UBE2Q2: variants seen among roughly 807,000 people sequenced by gnomAD.
UBE2Q2 encodes ubiquitin-conjugating enzyme E2 Q2.
Under a neutral mutation model 59.9 loss-of-function variants are expected in UBE2Q2, and 54 were observed. That is an observed-to-expected ratio of 0.90 (90% CI 0.72 to 1.13). The LOEUF (loss-of-function observed/expected upper bound fraction) is 1.13, where lower values mean the gene tolerates loss of function less well. Ranked by LOEUF, UBE2Q2 falls within the 50% of genes most tolerant of loss-of-function variation. UBE2Q2 has a pLI of 0.00. For synonymous variants in UBE2Q2, 165 were observed against 155.2 expected (o/e 1.06, Z -0.47); for missense variants, 433 against 441.9 (o/e 0.98, Z 0.18).
chr15:75,849,668 A>T (rs995688182), intron 1 of UBE2Q2, among the ~76,000 whole-genome samples: 1 of 152,244 alleles, frequency 6.6e-6, no homozygotes, highest in Non-Finnish European at 1.5e-5. Context: ...GTCCACTTAC[A>T]GTAATGTTTA....
At chr15:75,865,596 T>C (rs995948881) in intron 3 of UBE2Q2, among the ~76,000 whole-genome samples, 5 of 152,200 alleles carry the variant, frequency 3.3e-5, no homozygotes, top group African/African-American at 4.8e-5. Context: ...AAAAAAACTT[T>C]TTAAAAAGCA....
intron 1 of UBE2Q2, among the ~76,000 whole-genome samples, chr15:75,852,018 G>A (rs1241855077): frequency 6.6e-6 from 1 of 151,944 alleles, no homozygotes; most frequent in Admixed American, 6.6e-5. Flanking sequence ...GACTACAGGC[G>A]TGCAACCACC....
chr15:75,875,637 A>G (rs768093366), intron 5 of UBE2Q2, among the ~76,000 whole-genome samples: 2 of 152,224 alleles, frequency 1.3e-5, no homozygotes, highest in African/African-American at 4.8e-5. Context: ...TGTGGAATCC[A>G]TGGTGGTCTG....
intron 8 of UBE2Q2, 123 bp from the exon 9 acceptor site, chr15:75,883,243 G>T: frequency 1.1e-6 from 1 of 879,426 alleles, no homozygotes; most frequent in East Asian, 3.0e-5. Flanking sequence ...CTAATTTTAT[G>T]ACTCTTACCC....
intron 4 of UBE2Q2, among the ~76,000 whole-genome samples, chr15:75,871,169 A>G (rs1234657299): frequency 6.6e-6 from 1 of 152,232 alleles, no homozygotes. Context: ...GTGCTTTTAG[A>G]TATGCATGCA....
intron 8 of UBE2Q2, among the ~76,000 whole-genome samples, chr15:75,880,961 T>C (rs1327542706): frequency 1.3e-5 from 2 of 152,204 alleles, no homozygotes; most frequent in South Asian, 4.1e-4. Context: ...TGATTGAACT[T>C]TCTTGAAGTG....
Position 75,890,441 on chromosome 15 carries a change from A to G in UBE2Q2, c.891A>G (p.Val297=), listed in dbSNP as rs1261056108. Residue 297 remains valine, a synonymous_variant, in exon 10 of 13, where the codon GTA becomes GTG. Transcript: ENST00000267938. ...VVLPVLSGGY[V]LGGGALCMEL... is the part of the protein sequence containing the mutation. The stretch of plus-strand genomic sequence containing the variant: ...CTCCTTTTTTCTTTTTAAGGTATGT[A>G]TTGGGTGGAGGAGCATTATGTATGG... 6.2e-7 allele frequency: 1 copy of G among 1,603,934 alleles called. No individual in the cohort carries two copies.
intron 8 of UBE2Q2, among the ~76,000 whole-genome samples, chr15:75,882,164 A>G (rs866553601): frequency 2.6e-5 from 4 of 152,218 alleles, no homozygotes; most frequent in Admixed American, 1.3e-4. Context: ...ATTTAGAGCC[A>G]TTTGGTGATG....
Position 75,890,491 on chromosome 15 carries a change from T to C in UBE2Q2, c.933+8T>C. 1 of 1,608,276 alleles carries C rather than the reference T, an allele frequency of 6.2e-7. No individual in the cohort carries two copies. The highest frequency in any genetic ancestry group is 8.5e-7 in the Non-Finnish European group (1 of 1,178,286). ...GAACTTCTCACAAAACAGGTGACTTTTCTTACGATACTCCATTTTCACCCA... is the reference window on the plus strand; with the variant it reads ...GAACTTCTCACAAAACAGGTGACTTCTCTTACGATACTCCATTTTCACCCA... On this transcript the variant is annotated splice_region_variant and intron_variant, in intron 10 of 12. Coordinates refer to ENST00000267938, the MANE Select transcript of UBE2Q2 (RefSeq NM_173469.4).
chr15:75,858,592 G>A (rs930488091), intron 2 of UBE2Q2, among the ~76,000 whole-genome samples: 1 of 152,036 alleles, frequency 6.6e-6, no homozygotes, highest in East Asian at 1.9e-4. Context: ...TTGGTGTGTG[G>A]GGGAAGGGAG....
Position 75,900,797 on chromosome 15 carries a change from G to A in UBE2Q2, c.*1339G>A, listed in dbSNP as rs910454006. 6.6e-6 allele frequency: 1 copy of A among 152,546 alleles called. No individual in the cohort carries two copies. Among genetic ancestry groups the A allele is most frequent in the African/African-American group, 2.4e-5 (1 of 41,432 alleles). 9.4% of individuals were successfully genotyped at this position (152,546 alleles called of 1,614,324 possible). On this transcript the variant is annotated 3_prime_UTR_variant, in exon 13 of 13. Transcript: ENST00000267938. ...CTTGATTACATTTGTATAAAGTTCT[G>A]ATTGCCAGTTGCTCAGATAACAAGT...
intron 4 of UBE2Q2, among the ~76,000 whole-genome samples, chr15:75,871,247 G>A (rs1897769798): frequency 2.0e-5 from 3 of 152,244 alleles, no homozygotes; most frequent in South Asian, 4.1e-4. Flanking sequence ...CCCTAAGGCG[G>A]TTTTTCCCTA....
In UBE2Q2 at chr15:75,896,988, CT is replaced by C; in HGVS notation, c.1030-4del. Reference sequence around the variant, plus strand: ...CTTTTGATTTAAAATGTGTAATTCTCTTTCAGAATCAATATAATCTAGCAAG... The same window carrying C: ...CTTTTGATTTAAAATGTGTAATTCTCTTCAGAATCAATATAATCTAGCAAG... On this transcript the variant is annotated splice_polypyrimidine_tract_variant and splice_region_variant and intron_variant, in intron 11 of 12. Coordinates refer to ENST00000267938, the MANE Select transcript of UBE2Q2 (RefSeq NM_173469.4). 6.5e-7 allele frequency: 1 copy of C among 1,538,386 alleles called. No individual in the cohort carries two copies. The highest frequency in any genetic ancestry group is 1.2e-5 in the South Asian group (1 of 81,848).
At chr15:75,893,690 G>A (rs947439343) in intron 11 of UBE2Q2, among the ~76,000 whole-genome samples, 9 of 152,000 alleles carry the variant, frequency 5.9e-5, no homozygotes, top group South Asian at 4.1e-4. Context: ...AAAATCAGAC[G>A]ATTTAAAAAC....
At position 75,879,120 on chromosome 15, in the gene UBE2Q2, C is replaced by A; in HGVS notation, c.757C>A (p.His253Asn). The A allele has an allele frequency of 6.3e-7, 1 of 1,594,700 alleles. No homozygotes were observed. Among genetic ancestry groups the A allele is most frequent in the South Asian group, 1.1e-5 (1 of 87,148 alleles). Residue 253 changes from histidine to asparagine, a missense_variant, in exon 8 of 13, where the codon CAC becomes AAC. Coordinates refer to ENST00000267938, the MANE Select transcript of UBE2Q2 (RefSeq NM_173469.4). ...LQKVDPDSPL[H>N]SDLQILKEKE... is the part of the protein sequence containing the mutation. ...TAGGGTTGACCCTGATAGTCCTTTG[C>A]ACAGTGATCTTCAGATCTTAAAAGA...
At chr15:75,852,339 T>TA (rs1472435910) in intron 1 of UBE2Q2, among the ~76,000 whole-genome samples, 3 of 152,228 alleles carry the variant, frequency 2.0e-5, no homozygotes, top group Non-Finnish European at 4.4e-5. Flanking sequence ...TCTGCACCCT[T>TA]ACAGCATATG....
chr15:75,856,277 A>G (rs1427484395), intron 2 of UBE2Q2, among the ~76,000 whole-genome samples: 9,000 of 145,694 alleles, frequency 0.062, 685 homozygotes, highest in African/African-American at 0.19. Context: ...GTGTATATAT[A>G]TATATATATA....
At chr15:75,844,074 C>T (rs1896177885) in intron 1 of UBE2Q2, 2 of 1,413,468 alleles carry the variant, frequency 1.4e-6, no homozygotes, top group East Asian at 2.7e-5. Flanking sequence ...CAGGGGCTGG[C>T]TTGGGGGCTT....
chr15:75,851,320 C>T (rs896566269), intron 1 of UBE2Q2, among the ~76,000 whole-genome samples: 17 of 151,576 alleles, frequency 1.1e-4, no homozygotes, highest in African/African-American at 3.9e-4. Context: ...TTTTGATGCT[C>T]TATCAAAACT....
Sources: gnomAD v4.1 joint callset for allele counts (sites outside exome capture counted in the v4.1 genomes callset) on GRCh38, gnomAD v4.1.1 for gene constraint, MANE v1.5 for transcripts, NCBI Gene and HGNC (gene_info 2026-07-23, HGNC 2026-07-21) for gene names.